The following PLPPR5 variants were observed in gnomAD, a reference collection of about 807,000 sequenced individuals.
PLPPR5 encodes the protein phospholipid phosphatase related 5.
Under a neutral mutation model 33.9 loss-of-function variants are expected in PLPPR5, and 16 were observed. That is an observed-to-expected ratio of 0.47 (90% CI 0.32 to 0.72). PLPPR5 has a LOEUF of 0.72. Among genes scored for constraint, PLPPR5 ranks in the 30% least tolerant of loss-of-function variants. The probability of loss-of-function intolerance (pLI) is 0.03; values close to 1 mark genes in which losing one functional copy is unlikely to be tolerated. For synonymous variants in PLPPR5, 163 were observed against 150.3 expected (o/e 1.08, Z -0.62); for missense variants, 301 against 406.7 (o/e 0.74, Z 2.23).
At chr1:98,903,804 G>A (rs1019240491) in intron 5 of PLPPR5, among the ~76,000 whole-genome samples, 3 of 152,118 alleles carry the variant, frequency 2.0e-5, no homozygotes, top group Non-Finnish European at 4.4e-5. Context: ...GAAGTGATTT[G>A]TCTAACTCCA....
intron 5 of PLPPR5, among the ~76,000 whole-genome samples, chr1:98,912,015 C>A (rs1649169933): frequency 6.6e-6 from 1 of 152,142 alleles, no homozygotes; most frequent in Non-Finnish European, 1.5e-5. Flanking sequence ...GCGATCCTTC[C>A]ACCTTAGCCT....
chr1:99,004,985 C>T (rs554054919), upstream of PLPPR5: 145 of 155,974 alleles, frequency 9.3e-4, no homozygotes, highest in Middle Eastern at 3.2e-3. Context: ...CGACGGGCAG[C>T]GGCCGCTGCG....
chr1:98,933,907 T>C (rs1276707043), intron 3 of PLPPR5, among the ~76,000 whole-genome samples: 3 of 152,154 alleles, frequency 2.0e-5, no homozygotes, highest in Admixed American at 2.0e-4. Flanking sequence ...GAAAACTAGC[T>C]TGGCCTTGAA....
intron 3 of PLPPR5, among the ~76,000 whole-genome samples, chr1:98,941,857 A>G (rs1364154164): frequency 6.7e-6 from 1 of 148,600 alleles, no homozygotes; most frequent in East Asian, 2.0e-4. Flanking sequence ...CTCAAAGCAG[A>G]CTGTGCTTAT....
chr1:98,981,150 T>C (rs1306741478), intron 1 of PLPPR5, among the ~76,000 whole-genome samples: 1 of 152,032 alleles, frequency 6.6e-6, no homozygotes, highest in African/African-American at 2.4e-5. Flanking sequence ...GTCACAGAAA[T>C]AGAATTACTT....
intron 1 of PLPPR5, among the ~76,000 whole-genome samples, chr1:98,993,767 T>C (rs891077014): frequency 6.6e-6 from 1 of 152,086 alleles, no homozygotes; most frequent in Non-Finnish European, 1.5e-5. Context: ...AAAGTGCTTC[T>C]ATGAACCCCA....
chr1:98,938,610 C>T (rs955566984), intron 3 of PLPPR5, among the ~76,000 whole-genome samples: 11 of 150,660 alleles, frequency 7.3e-5, no homozygotes, highest in Middle Eastern at 3.2e-3. Flanking sequence ...ATCACAAAGA[C>T]ACATGTATAT....
At chr1:98,923,275 A>T (rs1649638380) in intron 3 of PLPPR5, among the ~76,000 whole-genome samples, 1 of 152,330 alleles carries the variant, frequency 6.6e-6, no homozygotes, top group East Asian at 1.9e-4. Context: ...TCAAGTCATG[A>T]GTAGAGCAAT....
intron 5 of PLPPR5, among the ~76,000 whole-genome samples, chr1:98,902,487 C>G (rs746361626): frequency 2.0e-5 from 3 of 152,024 alleles, no homozygotes; most frequent in Non-Finnish European, 2.9e-5. Flanking sequence ...CTTCTTTAAT[C>G]AAAACTATGA....
chr1:98,961,925 A>G (rs1651263558), intron 1 of PLPPR5, among the ~76,000 whole-genome samples: 1 of 152,088 alleles, frequency 6.6e-6, no homozygotes, highest in African/African-American at 2.4e-5. Context: ...AAATCTGCAT[A>G]TTTCCCCTAA....
intron 5 of PLPPR5, among the ~76,000 whole-genome samples, chr1:98,902,487 C>T (rs746361626): frequency 6.6e-6 from 1 of 152,024 alleles, no homozygotes; most frequent in African/African-American, 2.4e-5. Context: ...CTTCTTTAAT[C>T]AAAACTATGA....
chr1:98,919,207 T>C (rs1445452403), intron 4 of PLPPR5, among the ~76,000 whole-genome samples: 3 of 152,146 alleles, frequency 2.0e-5, no homozygotes, highest in African/African-American at 7.2e-5. Context: ...TCAAAAGTTA[T>C]GGTCAGAGAG....
In PLPPR5 at chr1:98,956,615, A is replaced by G; in HGVS notation, c.364T>C (p.Phe122Leu). 1 of 1,579,042 alleles carries G rather than the reference A, an allele frequency of 6.3e-7. No homozygotes were observed. Among genetic ancestry groups the G allele is most frequent in the South Asian group, 1.2e-5 (1 of 83,200 alleles). Residue 122 changes from phenylalanine (F) to leucine (L), a missense_variant, in exon 2 of 6, where the codon TTT becomes CTT. Phe to Leu is a conservative substitution (Grantham distance 22, BLOSUM62 0). Coordinates refer to ENST00000263177, the MANE Select transcript of PLPPR5 (RefSeq NM_001037317.2). ...TAATTTAATGAACACATACCAAGAA[A>G]TCGGACAGTTCGGCGCACCAGCGGG... ...INPLVRRTVR[F>L]LGIYTFGLFA...
At chr1:98,934,878 T>A (rs966884606) in intron 3 of PLPPR5, among the ~76,000 whole-genome samples, 1 of 152,182 alleles carries the variant, frequency 6.6e-6, no homozygotes, top group African/African-American at 2.4e-5. Context: ...AGGATCATTT[T>A]TGAGGTGTTT....
At chr1:98,918,825 G>C (rs188167721) in intron 4 of PLPPR5, among the ~76,000 whole-genome samples, 44 of 152,282 alleles carry the variant, frequency 2.9e-4, no homozygotes, top group African/African-American at 1.0e-3. Flanking sequence ...ACTCTGGGAA[G>C]TAAATAAAAA....
At chr1:98,982,967 C>A (rs72732408) in intron 1 of PLPPR5, among the ~76,000 whole-genome samples, 1 of 151,960 alleles carries the variant, frequency 6.6e-6, no homozygotes, top group Non-Finnish European at 1.5e-5. Context: ...GTTTGTGCTG[C>A]GAGAGAGCGC....
intron 3 of PLPPR5, among the ~76,000 whole-genome samples, chr1:98,938,781 A>G (rs1650273716): frequency 1.3e-5 from 2 of 152,132 alleles, no homozygotes; most frequent in African/African-American, 4.8e-5. Flanking sequence ...TATACCATGG[A>G]ATACTATGCA....
intron 1 of PLPPR5, among the ~76,000 whole-genome samples, chr1:98,979,644 G>C (rs1651985883): frequency 6.6e-6 from 1 of 151,930 alleles, no homozygotes; most frequent in Non-Finnish European, 1.5e-5. Context: ...CTGGTCCCAG[G>C]TTGCAGATTT....
chr1:98,943,653 A>T (rs1650457210), intron 3 of PLPPR5, among the ~76,000 whole-genome samples: 1 of 152,220 alleles, frequency 6.6e-6, no homozygotes. Context: ...TTTAATTGAA[A>T]TATTCGGAAA....
Sources: gnomAD v4.1 joint callset for allele counts (sites outside exome capture counted in the v4.1 genomes callset) on GRCh38, gnomAD v4.1.1 for gene constraint, MANE v1.5 for transcripts, NCBI Gene and HGNC (gene_info 2026-07-23, HGNC 2026-07-21) for gene names.